The following OR1J2 variants were observed in gnomAD, a reference collection of about 807,000 sequenced individuals.
OR1J2 encodes olfactory receptor 1J2.
For synonymous variants in OR1J2, 142 were observed against 99.7 expected, an observed-to-expected ratio of 1.42 and a Z score of -2.52; for missense variants, 304 against 246.1, an observed-to-expected ratio of 1.24 and a Z score of -1.57.
chr9:122,514,945 T>G (rs1199102192), downstream of OR1J2, among the ~76,000 whole-genome samples: 2 of 152,212 alleles, frequency 1.3e-5, no homozygotes, highest in East Asian at 1.9e-4. Context: ...TGGGACCTGA[T>G]CTTTAACAAG....
At chr9:122,453,468 GT>G in the OR1J2 span, among the ~76,000 whole-genome samples, 1 of 152,186 alleles carries the variant, frequency 6.6e-6, no homozygotes, top group Admixed American at 6.5e-5. Context: ...TGCTGGGTCT[GT>G]GATCACAAGT....
chr9:122,522,926 G>A, the OR1J2 span, among the ~76,000 whole-genome samples: 2 of 152,166 alleles, frequency 1.3e-5, no homozygotes, highest in African/African-American at 4.8e-5. Flanking sequence ...TGTGTGTCAG[G>A]CATTGTATTA....
chr9:122,544,044 G>C, the OR1J2 span, among the ~76,000 whole-genome samples: 1 of 152,034 alleles, frequency 6.6e-6, no homozygotes, highest in East Asian at 1.9e-4. Context: ...TTTGTTTACT[G>C]TCTGTAGAAT....
At chr9:122,496,512 C>T in the OR1J2 span, among the ~76,000 whole-genome samples, 15 of 152,236 alleles carry the variant, frequency 9.9e-5, no homozygotes, top group East Asian at 1.9e-4. Flanking sequence ...ATATCTGAGA[C>T]GGTCTCAGTT....
At chr9:122,573,084 T>C in the OR1J2 span, among the ~76,000 whole-genome samples, 1 of 152,228 alleles carries the variant, frequency 6.6e-6, no homozygotes, top group East Asian at 1.9e-4. Context: ...AAGGACTCTT[T>C]TGATTGTGGA....
At chr9:122,489,052 T>C in the OR1J2 span, among the ~76,000 whole-genome samples, 14 of 149,384 alleles carry the variant, frequency 9.4e-5, no homozygotes, top group Middle Eastern at 6.9e-3. Flanking sequence ...CCCATCTCTG[T>C]GTCCATGGGA....
chr9:122,472,085 A>T, the OR1J2 span, among the ~76,000 whole-genome samples: 3 of 152,198 alleles, frequency 2.0e-5, no homozygotes, highest in East Asian at 3.8e-4. Flanking sequence ...CGCAGGGTGC[A>T]TAACCCTGAA....
chr9:122,523,327 T>G, the OR1J2 span, among the ~76,000 whole-genome samples: 2 of 152,092 alleles, frequency 1.3e-5, no homozygotes, highest in South Asian at 4.1e-4. Flanking sequence ...AAGACTATAT[T>G]GTGAGGGGGG....
At chr9:122,517,311 G>A in the OR1J2 span, among the ~76,000 whole-genome samples, 510 of 152,304 alleles carry the variant, frequency 3.3e-3, no homozygotes, top group Middle Eastern at 0.02. Context: ...GCTGGAGTGA[G>A]CAGGTGCAGC....
chr9:122,546,633 C>G, the OR1J2 span, among the ~76,000 whole-genome samples: 1 of 152,100 alleles, frequency 6.6e-6, no homozygotes, highest in Non-Finnish European at 1.5e-5. Flanking sequence ...CCTCTTCTTT[C>G]ACTTTACCAC....
the OR1J2 span, among the ~76,000 whole-genome samples, chr9:122,476,624 G>C: frequency 6.6e-6 from 1 of 152,176 alleles, no homozygotes; most frequent in Non-Finnish European, 1.5e-5. Context: ...CTGTATTATT[G>C]AGGAAAAATA....
the OR1J2 span, among the ~76,000 whole-genome samples, chr9:122,540,528 A>G: frequency 2.0e-5 from 3 of 151,918 alleles, no homozygotes; most frequent in South Asian, 2.1e-4. Flanking sequence ...GCCTTGTAGT[A>G]TAGTTTGAAG....
the OR1J2 span, among the ~76,000 whole-genome samples, chr9:122,449,996 A>G: frequency 6.6e-6 from 1 of 152,188 alleles, no homozygotes; most frequent in African/African-American, 2.4e-5. Context: ...CATTTAAAAG[A>G]TAATTATATA....
At chr9:122,547,158 T>A in the OR1J2 span, among the ~76,000 whole-genome samples, 1 of 151,992 alleles carries the variant, frequency 6.6e-6, no homozygotes, top group African/African-American at 2.4e-5. Context: ...ATGGAATGAC[T>A]AGTAAAGAAA....
the OR1J2 span, among the ~76,000 whole-genome samples, chr9:122,485,984 G>C: frequency 6.8e-6 from 1 of 146,344 alleles, no homozygotes; most frequent in East Asian, 1.9e-4. Flanking sequence ...TTTTGAGGTG[G>C]AGTCTCTGTC....
the OR1J2 span, among the ~76,000 whole-genome samples, chr9:122,546,499 C>G: frequency 6.6e-6 from 1 of 152,110 alleles, no homozygotes; most frequent in Non-Finnish European, 1.5e-5. Context: ...TGTGAGCTGT[C>G]CAAGTGATGA....
rs780841335 is a variant in OR1J2 at position 122,511,023 on chromosome 9, A to G, written c.222A>G (p.Ser74=). 4 of 1,581,608 alleles carry G rather than the reference A, an allele frequency of 2.5e-6. No homozygotes were observed. The change falls in exon 1 of 1, where the codon TCA becomes TCG. Residue 74 remains serine (S), a synonymous_variant. Coordinates refer to ENST00000335302, the MANE Select transcript of OR1J2 (RefSeq NM_054107.1). ...SHLALTDISF[S]SVTVPKMLMD... ...TGGCTCTCACTGACATCTCCTTTTCATCTGTCACTGTCCCTAAGATGCTGA... is the reference window on the plus strand; with the variant it reads ...TGGCTCTCACTGACATCTCCTTTTCGTCTGTCACTGTCCCTAAGATGCTGA...
the OR1J2 span, among the ~76,000 whole-genome samples, chr9:122,453,719 T>C: frequency 6.6e-6 from 1 of 152,232 alleles, no homozygotes; most frequent in African/African-American, 2.4e-5. Context: ...TTGTGATTTT[T>C]TGAATGCCTG....
chr9:122,473,172 G>A, the OR1J2 span, among the ~76,000 whole-genome samples: 2 of 152,156 alleles, frequency 1.3e-5, no homozygotes, highest in African/African-American at 4.8e-5. Flanking sequence ...ATCCTGACCT[G>A]TTAATGACTC....
Sources: gnomAD v4.1 joint callset for allele counts (sites outside exome capture counted in the v4.1 genomes callset) on GRCh38, gnomAD v4.1.1 for gene constraint, MANE v1.5 for transcripts, NCBI Gene and HGNC (gene_info 2026-07-23, HGNC 2026-07-21) for gene names.